PCBP3: variants seen among roughly 807,000 people sequenced by gnomAD.
The protein encoded by PCBP3 is poly(rC) binding protein 3.
PCBP3 carries 25 observed loss-of-function variants against 52.7 expected under a neutral mutation model. The observed-to-expected ratio is 0.47, with a 90% CI of 0.35 to 0.66. The LOEUF (loss-of-function observed/expected upper bound fraction) is 0.66, where lower values mean the gene tolerates loss of function less well. PCBP3 is among the 30% of genes least tolerant of loss of function. PCBP3 has a pLI of 0.01. For missense variants in PCBP3, 391 were observed against 490.3 expected (o/e 0.80, Z 1.91); for synonymous variants, 162 against 183.0 (o/e 0.89, Z 0.93).
intron 4 of PCBP3, among the ~76,000 whole-genome samples, chr21:45,824,051 C>T (rs971798578): frequency 6.6e-6 from 1 of 152,194 alleles, no homozygotes; most frequent in African/African-American, 2.4e-5. Flanking sequence ...CTGTTTGTTT[C>T]TTTTAAATAA....
At chr21:45,847,987 C>T (rs967011965) in intron 4 of PCBP3, among the ~76,000 whole-genome samples, 2 of 152,194 alleles carry the variant, frequency 1.3e-5, no homozygotes, top group African/African-American at 4.8e-5. Context: ...CTTCTCTGCG[C>T]GTCTCTCACC....
intron 4 of PCBP3, among the ~76,000 whole-genome samples, chr21:45,834,923 G>GT (rs1341792415): frequency 6.6e-6 from 1 of 152,222 alleles, no homozygotes; most frequent in Non-Finnish European, 1.5e-5. Flanking sequence ...GGGAGGCACC[G>GT]TGAGTCCCTC....
chr21:45,848,251 C>G (rs1247247684), intron 4 of PCBP3: 1 of 152,186 alleles, frequency 6.6e-6, no homozygotes, highest in Non-Finnish European at 1.5e-5. Context: ...GAGGTTTCCC[C>G]TGGTTACTTG....
intron 4 of PCBP3, among the ~76,000 whole-genome samples, chr21:45,787,927 A>ATGCT (rs1170914391): frequency 7.2e-5 from 11 of 152,180 alleles, no homozygotes; most frequent in African/African-American, 2.7e-4. Context: ...AGCTCAGGTA[A>ATGCT]TGCTACCTGC....
At chr21:45,858,349 G>A (rs920164037) in intron 5 of PCBP3, 2 of 152,290 alleles carry the variant, frequency 1.3e-5, no homozygotes, top group Non-Finnish European at 2.9e-5. Flanking sequence ...AAGTAAACCT[G>A]GAGCAGAGGA....
At position 45,827,825 on chromosome 21, in the gene PCBP3, A is replaced by G. The variant is rs939928822; in HGVS notation, c.-125-22136A>G. 6.6e-6 allele frequency: 1 copy of G among 152,288 alleles called. No individual in the cohort carries two copies. The highest frequency in any genetic ancestry group is 2.4e-5 in the African/African-American group (1 of 41,464). 9.4% of individuals were successfully genotyped at this position (152,288 alleles called of 1,614,324 possible). A position where few individuals can be genotyped will look rare whatever the true frequency, so the allele number is the denominator to read the frequency against. ...TTGCCAGATTCATACCAACAGGAGA[A>G]AGAAAATTTGGAACTAACCTGGCCA... On this transcript the variant is annotated intron_variant, in intron 4 of 17. Coordinates refer to ENST00000681687, the MANE Select transcript of PCBP3 (RefSeq NM_001384156.1). This position sits in a 1 kb window ranked among gnomAD's most constrained non-coding sequence, Gnocchi z 4.3.
At chr21:45,785,935 C>T (rs1027600246) in intron 4 of PCBP3, among the ~76,000 whole-genome samples, 1 of 150,182 alleles carries the variant, frequency 6.7e-6, no homozygotes, top group Non-Finnish European at 1.5e-5. Context: ...TTGAAGGCAG[C>T]ATGCTCGTTA....
intron 2 of PCBP3, among the ~76,000 whole-genome samples, chr21:45,694,062 TA>T: frequency 6.6e-6 from 1 of 151,952 alleles, no homozygotes; most frequent in East Asian, 1.9e-4. Flanking sequence ...ACGAAAATGA[TA>T]ACACTAGAAT....
intron 13 of PCBP3, chr21:45,918,092 CA>C: frequency 1.3e-5 from 3 of 234,676 alleles, no homozygotes; most frequent in African/African-American, 2.3e-5. Flanking sequence ...CACATGAAAA[CA>C]TAGGGTCCAT....
chr21:45,869,565 C>T (rs975988955), intron 5 of PCBP3, among the ~76,000 whole-genome samples: 8 of 152,204 alleles, frequency 5.3e-5, no homozygotes, highest in African/African-American at 1.4e-4. Flanking sequence ...CTCCTCTCGC[C>T]GTCCCCACCC....
intron 1 of PCBP3, among the ~76,000 whole-genome samples, chr21:45,654,696 T>C (rs1456158551): frequency 6.6e-6 from 1 of 152,206 alleles, no homozygotes; most frequent in African/African-American, 2.4e-5. Context: ...ACAAATTCTT[T>C]CAATTTACTT....
chr21:45,899,876 G>C (rs558172188), intron 7 of PCBP3, among the ~76,000 whole-genome samples: 1 of 152,194 alleles, frequency 6.6e-6, no homozygotes, highest in Admixed American at 6.5e-5. Context: ...CCTGCCCGTG[G>C]CCTTGGTGGC....
intron 5 of PCBP3, among the ~76,000 whole-genome samples, chr21:45,885,129 C>T (rs1363181650): frequency 6.6e-6 from 1 of 152,164 alleles, no homozygotes. Flanking sequence ...TCCTTCATCC[C>T]ATAATGTCTT....
intron 4 of PCBP3, among the ~76,000 whole-genome samples, chr21:45,833,200 C>T (rs1238382765): frequency 1.3e-5 from 2 of 152,166 alleles, no homozygotes; most frequent in Admixed American, 6.5e-5. Flanking sequence ...CCCCACCTCG[C>T]GGTTATTAAA....
chr21:45,899,063 A>G (rs1402715174), intron 6 of PCBP3, among the ~76,000 whole-genome samples: 1 of 149,064 alleles, frequency 6.7e-6, no homozygotes, highest in African/African-American at 2.5e-5. Flanking sequence ...GGACAGGGAG[A>G]TACTGGGCCA....
Position 45,824,380 on chromosome 21 carries a change from A to C in PCBP3, c.-125-25581A>C, listed in dbSNP as rs138253102. On this transcript the variant is annotated intron_variant, in intron 4 of 17. Coordinates refer to ENST00000681687, the MANE Select transcript of PCBP3 (RefSeq NM_001384156.1). ...ATTGTCTAACTAAGAGACTCAGGGC[A>C]TCAGGCAAGTCATGTCAGAAAGGTT... Among the ~76,000 whole-genome samples, 15 of 152,350 alleles carry C rather than the reference A, an allele frequency of 9.8e-5. No individual in the cohort carries two copies. The East Asian group carries it at 1.9e-3, about 20-fold the overall frequency.
In PCBP3 at chr21:45,737,569, GA is replaced by G. The variant is rs1268043129; in HGVS notation, c.-162+2141del. Among the ~76,000 whole-genome samples the G allele has an allele frequency of 6.6e-6, 1 of 152,206 alleles. No individual in the cohort carries two copies. Among genetic ancestry groups the G allele is most frequent in the Non-Finnish European group, 1.5e-5 (1 of 68,034 alleles). On this transcript the variant is annotated intron_variant, in intron 3 of 17. Transcript: ENST00000681687. This position sits in a 1 kb window ranked among gnomAD's most constrained non-coding sequence, Gnocchi z 4.9. ...CAGCGTGCTGGGGTGGGGCGAGCCCGACCATGCAAGCCATGCCCCGGCAGCC... is the reference window on the plus strand; with the variant it reads ...CAGCGTGCTGGGGTGGGGCGAGCCCGCCATGCAAGCCATGCCCCGGCAGCC...
chr21:45,858,686 AG>A (rs2094400139), intron 5 of PCBP3: 1 of 152,192 alleles, frequency 6.6e-6, no homozygotes, highest in South Asian at 2.1e-4. Flanking sequence ...CACAGTTCCC[AG>A]GTCCCCCTTC....
Position 45,651,055 on chromosome 21 carries a change from C to T in PCBP3, c.-279+7187C>T, listed in dbSNP as rs1246071030. Among the ~76,000 whole-genome samples the T allele has an allele frequency of 2.0e-5, 3 of 152,174 alleles. No homozygotes were observed. The East Asian group carries it at 5.8e-4, about 29-fold the overall frequency. On this transcript the variant is annotated intron_variant, in intron 1 of 17. Coordinates refer to ENST00000681687, the MANE Select transcript of PCBP3 (RefSeq NM_001384156.1). Reference sequence around the variant, plus strand: ...GTCAAGGCTTCAGGTGAGAACACAGCCTGGCAAACACTTTGAATGCAGCTT... The same window carrying T: ...GTCAAGGCTTCAGGTGAGAACACAGTCTGGCAAACACTTTGAATGCAGCTT...
Sources: gnomAD v4.1 joint callset for allele counts (sites outside exome capture counted in the v4.1 genomes callset) on GRCh38, gnomAD v4.1.1 for gene constraint, Gnocchi (gnomAD v3.1) non-coding constraint, MANE v1.5 for transcripts, NCBI Gene and HGNC (gene_info 2026-07-23, HGNC 2026-07-21) for gene names.